The following GATAD2B variants were observed in gnomAD, a reference collection of about 807,000 sequenced individuals.
GATAD2B encodes the protein GATA zinc finger domain containing 2B.
A neutral mutation model predicts 64.3 loss-of-function variants in GATAD2B; 8 were observed. The ratio of observed to expected loss-of-function variants is 0.12; its 90% confidence interval spans 0.07 to 0.22. The LOEUF is 0.22. Ranked by LOEUF, GATAD2B falls within the 10% of genes least tolerant of loss-of-function variation. The pLI, the probability that GATAD2B is intolerant of heterozygous loss-of-function variation, is 1.00. For missense variants in GATAD2B, 453 were observed against 752.0 expected (o/e 0.60, Z 4.65); for synonymous variants, 281 against 271.3 (o/e 1.04, Z -0.35).
At chr1:153,841,248 G>A (rs1263190056) in intron 1 of GATAD2B, among the ~76,000 whole-genome samples, 2 of 151,942 alleles carry the variant, frequency 1.3e-5, no homozygotes, top group Non-Finnish European at 2.9e-5. Context: ...ATCACCAGCA[G>A]GATATCAACA....
intron 1 of GATAD2B, among the ~76,000 whole-genome samples, chr1:153,879,883 G>T (rs1406900539): frequency 6.6e-6 from 1 of 151,296 alleles, no homozygotes; most frequent in Non-Finnish European, 1.5e-5. Flanking sequence ...CCCCAAAATT[G>T]TAACACTTGC....
chr1:153,851,853 T>C (rs1191745222), intron 1 of GATAD2B, among the ~76,000 whole-genome samples: 4 of 152,250 alleles, frequency 2.6e-5, no homozygotes, highest in Middle Eastern at 3.4e-3. Flanking sequence ...ATAAGTGCAC[T>C]TGAATTTTTT....
chr1:153,886,902 A>T (rs1342963367), intron 1 of GATAD2B, among the ~76,000 whole-genome samples: 1 of 152,012 alleles, frequency 6.6e-6, no homozygotes, highest in African/African-American at 2.4e-5. Flanking sequence ...ATGCTGAAAC[A>T]TGGCTAAATG....
At chr1:153,831,068 G>A (rs994499631) in intron 1 of GATAD2B, among the ~76,000 whole-genome samples, 1 of 152,144 alleles carries the variant, frequency 6.6e-6, no homozygotes, top group Non-Finnish European at 1.5e-5. Flanking sequence ...ACACCTTTTA[G>A]AGATAAAAGT....
At chr1:153,838,518 CCTT>C (rs1675355258) in intron 1 of GATAD2B, among the ~76,000 whole-genome samples, 1 of 151,738 alleles carries the variant, frequency 6.6e-6, no homozygotes, top group Non-Finnish European at 1.5e-5. Context: ...TTTTTTTCCC[CCTT>C]TTTTGAGTCT....
rs1214093781 is a variant in GATAD2B at position 153,817,362 on chromosome 1, T to A, written c.900+10A>T. On this transcript the variant is annotated intron_variant, in intron 6 of 10. Coordinates refer to ENST00000368655, the MANE Select transcript of GATAD2B (RefSeq NM_020699.4). ...CTCTGTTTCCACATTAGGGCTCAGC[T>A]CTCTCTTACCGGTTGATAATTGATG... 2.0e-6 allele frequency: 3 copies of A among 1,538,302 alleles called. No individual in the cohort carries two copies. The highest frequency in any genetic ancestry group is 2.6e-6 in the Non-Finnish European group (3 of 1,143,168).
intron 1 of GATAD2B, among the ~76,000 whole-genome samples, chr1:153,872,972 CT>C (rs994132222): frequency 9.1e-4 from 133 of 145,848 alleles, no homozygotes; most frequent in Non-Finnish European, 8.5e-4. Flanking sequence ...TTAAATGAAA[CT>C]TTTTTTTTTT....
At chr1:153,887,472 T>TA (rs1677219539) in intron 1 of GATAD2B, among the ~76,000 whole-genome samples, 1 of 152,168 alleles carries the variant, frequency 6.6e-6, no homozygotes, top group East Asian at 1.9e-4. Flanking sequence ...TTGGCTAAAG[T>TA]AAAAACTAGG....
At chr1:153,918,115 G>C (rs906287338) in intron 1 of GATAD2B, among the ~76,000 whole-genome samples, 2 of 152,198 alleles carry the variant, frequency 1.3e-5, no homozygotes, top group African/African-American at 2.4e-5. Context: ...GGCTGGAATG[G>C]AGAGAGCAAG....
At chr1:153,850,694 C>A (rs538386564) in intron 1 of GATAD2B, among the ~76,000 whole-genome samples, 95 of 152,080 alleles carry the variant, frequency 6.2e-4, no homozygotes, top group African/African-American at 2.1e-3. Flanking sequence ...CCTACGCAGG[C>A]GGATTGCTTG....
chr1:153,811,875 CA>C lies in GATAD2B; in HGVS notation c.1531-28del, dbSNP rs779112430. 6.1e-6 allele frequency: 9 copies of C among 1,471,476 alleles called. No individual in the cohort carries two copies. In the Admixed American group the frequency reaches 1.6e-4, roughly 26 times the overall value. The allele number at this position is 1,471,476 out of a possible 1,614,324, so 91.2% of individuals were successfully genotyped here. The stretch of plus-strand genomic sequence containing the variant: ...TGCAATGATGAGGAGACAGTGGATA[CA>C]ACTTTGATATGATAGAATGTTAAGC... On this transcript the variant is annotated intron_variant, in intron 9 of 10. Transcript: ENST00000368655.
chr1:153,819,887 T>TC (rs1404307198), intron 2 of GATAD2B, 152 bp from the exon 3 acceptor site: 1 of 532,814 alleles, frequency 1.9e-6, no homozygotes, highest in Non-Finnish European at 3.2e-6. Context: ...ACACCTGGGG[T>TC]CAGGAGTTCG....
intron 1 of GATAD2B, among the ~76,000 whole-genome samples, chr1:153,893,967 A>T (rs908511613): frequency 5.3e-5 from 8 of 150,852 alleles, no homozygotes; most frequent in Non-Finnish European, 1.2e-4. Context: ...AAAAAAAAAA[A>T]AAAAAAAAAA....
chr1:153,812,772 A>C (rs889194314), intron 8 of GATAD2B, among the ~76,000 whole-genome samples: 1 of 152,182 alleles, frequency 6.6e-6, no homozygotes, highest in Non-Finnish European at 1.5e-5. Flanking sequence ...TGAGTTTCCC[A>C]ACACATTTTT....
chr1:153,912,185 T>C, intron 1 of GATAD2B, among the ~76,000 whole-genome samples: 1 of 152,122 alleles, frequency 6.6e-6, no homozygotes, highest in Non-Finnish European at 1.5e-5. Flanking sequence ...ACAATCAAAA[T>C]GTTCATAAAG....
At chr1:153,908,782 GAA>G (rs1553199454) in intron 1 of GATAD2B, among the ~76,000 whole-genome samples, 6 of 31,854 alleles carry the variant, frequency 1.9e-4, no homozygotes, top group Non-Finnish European at 6.4e-5. Context: ...AACATACTTG[GAA>G]AAAAAAAAAA....
rs541214822 is a variant in GATAD2B, at chr1:153,908,042, A to C, written c.-2+14691T>G. On this transcript the variant is annotated intron_variant, in intron 1 of 10. Coordinates refer to ENST00000368655, the MANE Select transcript of GATAD2B (RefSeq NM_020699.4). The stretch of plus-strand genomic sequence containing the variant: ...CTGATCTTGAACTCCTGACCTCATG[A>C]TCTGCCTGCCTTGGCCTCCCAAAGT... Among the ~76,000 whole-genome samples, 10 of 152,254 alleles carry C rather than the reference A, an allele frequency of 6.6e-5. No homozygotes were observed. In the East Asian group the frequency reaches 1.9e-3, roughly 29 times the overall value.
rs1411868970 is a variant in GATAD2B, at chr1:153,807,168, C to T, written c.*3009G>A. On this transcript the variant is annotated 3_prime_UTR_variant, in exon 11 of 11. Transcript: ENST00000368655. Reference sequence around the variant, plus strand: ...CCTTAAAATACTGCTTTTAGTGCCTCTGGGGATGGAGGAAGCCAGGCAGAA... The same window carrying T: ...CCTTAAAATACTGCTTTTAGTGCCTTTGGGGATGGAGGAAGCCAGGCAGAA... 1 of 152,148 alleles carries T rather than the reference C, an allele frequency of 6.6e-6. No homozygotes were observed. The highest frequency in any genetic ancestry group is 1.5e-5 in the Non-Finnish European group (1 of 68,042). 9.4% of individuals were successfully genotyped at this position (152,148 alleles called of 1,614,324 possible). A position where few individuals can be genotyped will look rare whatever the true frequency, so the allele number is the denominator to read the frequency against.
chr1:153,826,264 C>A (rs1301915049), intron 2 of GATAD2B, among the ~76,000 whole-genome samples: 2 of 152,050 alleles, frequency 1.3e-5, no homozygotes, highest in Middle Eastern at 3.2e-3. Context: ...CATGATCCAC[C>A]CGCCTCGGCC....
Sources: allele counts gnomAD v4.1 joint callset (sites outside exome capture counted in the v4.1 genomes callset), GRCh38; gene constraint gnomAD v4.1.1; transcripts MANE v1.5; gene names NCBI Gene and HGNC (gene_info 2026-07-23, HGNC 2026-07-21).